Variants in RBL2 observed in about 807,000 individuals in gnomAD.
RBL2 encodes the protein RB transcriptional corepressor like 2, also known as retinoblastoma-like protein 2.
Under a neutral mutation model 126.0 loss-of-function variants are expected in RBL2, and 56 were observed. That is an observed-to-expected ratio of 0.44 (90% CI 0.36 to 0.56). The LOEUF is 0.56. RBL2 is among the 20% of genes least tolerant of loss of function. RBL2 has a pLI of 0.00. For missense variants in RBL2, 1,229 were observed against 1,398.2 expected (o/e 0.88, Z 1.93); for synonymous variants, 454 against 478.5 (o/e 0.95, Z 0.67).
At chr16:53,446,785 A>T (rs2058066257) in intron 3 of RBL2, among the ~76,000 whole-genome samples, 1 of 152,140 alleles carries the variant, frequency 6.6e-6, no homozygotes, top group Non-Finnish European at 1.5e-5. Context: ...TTTCCACCTC[A>T]CCTATCTTGC....
In RBL2 at chr16:53,450,485, C is replaced by T. The variant is rs566889616; in HGVS notation, c.638-1218C>T. ...ACAAGAATGTAAAATCACCATGAAG[C>T]ATACATGTGCAGTGTTTAACTAAAA... On this transcript the variant is annotated intron_variant, in intron 4 of 21. Coordinates refer to ENST00000262133, the MANE Select transcript of RBL2 (RefSeq NM_005611.4). 3.0e-4 allele frequency among the ~76,000 whole-genome samples: 45 copies of T among 152,224 alleles called. 1 individual carries two copies. The South Asian group carries it at 9.3e-3, about 32-fold the overall frequency.
intron 9 of RBL2, among the ~76,000 whole-genome samples, 186 bp downstream of exon 9, chr16:53,459,803 G>A (rs1407408446): frequency 6.6e-6 from 1 of 151,424 alleles, no homozygotes; most frequent in African/African-American, 2.4e-5. Flanking sequence ...TCTTTCCTTA[G>A]ATTTCTTTAA....
intron 20 of RBL2, 153 bp downstream of exon 20, chr16:53,480,922 G>C: frequency 1.5e-6 from 1 of 661,392 alleles, no homozygotes; most frequent in African/African-American, 1.8e-5. Flanking sequence ...ACTTTGGGAG[G>C]CCGAGGAGGG....
rs746994781 is a variant in RBL2, at chr16:53,481,722, C to A, written c.3136C>A (p.Arg1046Ser). 6 of 1,610,568 alleles carry A rather than the reference C, an allele frequency of 3.7e-6. No homozygotes were observed. Among genetic ancestry groups the A allele is most frequent in the Non-Finnish European group, 5.1e-6 (6 of 1,176,992 alleles). The change falls in exon 21 of 22, where the codon CGC (arginine) becomes AGC (serine). Residue 1046 changes from arginine to serine, a missense_variant. Arg to Ser is a moderately radical substitution (Grantham distance 110, BLOSUM62 -1). This residue lies in a region of RBL2 where 1,070 missense variants were observed against 1,274.3 expected (regional missense o/e 0.84). Transcript: ENST00000262133. The part of the protein sequence containing the change: ...PYPFVRTGSP[R>S]RIQLSQNHPV... ...TCCATTTGTAAGAACAGGCTCCCCT[C>A]GCCGAATACAGTTGTCTCAAAATCA...
intron 8 of RBL2, among the ~76,000 whole-genome samples, chr16:53,457,604 G>GTATGAATTGAGA (rs1309726087): frequency 8.5e-5 from 13 of 152,084 alleles, no homozygotes; most frequent in South Asian, 2.1e-4. Context: ...TTACTTAGAG[G>GTATGAATTGAGA]TATGAATTGA....
chr16:53,453,811 A>G (rs1348935188), intron 7 of RBL2, 42 bp downstream of exon 7: 4 of 1,458,236 alleles, frequency 2.7e-6, no homozygotes, highest in South Asian at 1.2e-5. Context: ...TTTAAATTGT[A>G]TACTTAGGAA....
chr16:53,469,890 C>T, intron 14 of RBL2, 26 bp from the exon 15 acceptor site: 1 of 1,513,110 alleles, frequency 6.6e-7, no homozygotes, highest in Non-Finnish European at 8.9e-7. Context: ...GAGTTAAATG[C>T]TTTGTTTGAT....
chr16:53,480,855 G>T, intron 20 of RBL2, 86 bp downstream of exon 20: 1 of 1,353,464 alleles, frequency 7.4e-7, no homozygotes, highest in Non-Finnish European at 1.0e-6. Flanking sequence ...CCATTCACCT[G>T]GTCCGTATAT....
At chr16:53,435,468 C>A in intron 1 of RBL2, 1 of 564,668 alleles carries the variant, frequency 1.8e-6, no homozygotes, top group Non-Finnish European at 2.2e-6. Context: ...TTGCACAGGA[C>A]TCCTGTTGTT....
intron 3 of RBL2, 67 bp downstream of exon 3, chr16:53,442,925 G>T: frequency 1.1e-5 from 13 of 1,193,498 alleles, no homozygotes; most frequent in South Asian, 7.5e-5. Context: ...TATTCTGCTA[G>T]GTTTTTTTTT....
intron 14 of RBL2, 48 bp downstream of exon 14, chr16:53,467,217 A>G: frequency 6.8e-7 from 1 of 1,466,548 alleles, no homozygotes; most frequent in Non-Finnish European, 9.5e-7. Context: ...CTATCTGGAA[A>G]TTTAAATTTC....
chr16:53,481,614 A>T (rs1960949194), intron 20 of RBL2, 57 bp from the exon 21 acceptor site: 1 of 1,388,544 alleles, frequency 7.2e-7, no homozygotes, highest in East Asian at 2.5e-5. Flanking sequence ...AATCATTTTC[A>T]GTAAAAATAA....
chr16:53,446,896 G>T (rs2058067440), intron 3 of RBL2, 146 bp from the exon 4 acceptor site: 4 of 431,020 alleles, frequency 9.3e-6, no homozygotes, highest in Admixed American at 8.6e-5. Context: ...TGTTAAGGCA[G>T]AACGTCCACG....
Position 53,480,623 on chromosome 16 carries a change from C to T in RBL2, c.2938C>T (p.Pro980Ser), listed in dbSNP as rs780888204. Residue 980 changes from proline to serine, a missense_variant, in exon 20 of 22, where the codon CCC becomes TCC. Coordinates refer to ENST00000262133, the MANE Select transcript of RBL2 (RefSeq NM_005611.4). ...RSSSTLPVPQ[P>S]SSAPPTPTRL... The stretch of plus-strand genomic sequence containing the variant: ...AAGCAGCACCTTGCCAGTTCCACAG[C>T]CCAGCAGTGCTCCTCCCACACCTAC... 2 of 1,614,050 alleles carry T rather than the reference C, an allele frequency of 1.2e-6. No homozygotes were observed. The highest frequency in any genetic ancestry group is 1.7e-4 in the Middle Eastern group (1 of 6,028).
chr16:53,453,471 T>G lies in RBL2; in HGVS notation c.786T>G (p.His262Gln). 4 of 1,612,938 alleles carry G rather than the reference T, an allele frequency of 2.5e-6. No individual in the cohort carries two copies. The highest frequency in any genetic ancestry group is 3.4e-6 in the Non-Finnish European group (4 of 1,179,176). ...CCATAGGCTTATCTGAAGATTTTCA[T>G]GCTAAAGATTCTAAACCTTCCTCTG... ...PNFKGLSEDFHAKDSKPSSDP... is the reference protein window; with the variant it reads ...PNFKGLSEDFQAKDSKPSSDP... The change falls in exon 6 of 22, where the codon CAT becomes CAG. Residue 262 changes from histidine (H) to glutamine (Q), a missense_variant. By Grantham distance (24) the His-to-Gln change is conservative (BLOSUM62 0). Transcript: ENST00000262133.
In RBL2 at chr16:53,490,424, G is replaced by T; in HGVS notation, c.*124G>T. 1 of 792,158 alleles carries T rather than the reference G, an allele frequency of 1.3e-6. No homozygotes were observed. The highest frequency in any genetic ancestry group is 1.8e-6 in the Non-Finnish European group (1 of 540,598). The allele number at this position is 792,158 out of a possible 1,614,324, so 49.1% of individuals were successfully genotyped here. A position where few individuals can be genotyped will look rare whatever the true frequency, so the allele number is the denominator to read the frequency against. On this transcript the variant is annotated 3_prime_UTR_variant, in exon 22 of 22. Coordinates refer to ENST00000262133, the MANE Select transcript of RBL2 (RefSeq NM_005611.4). Reference sequence around the variant, plus strand: ...TTACAGCCTGTTAGTAACATGAGGGGACATTTTGGTGAGAAATGGGACTTA... The same window carrying T: ...TTACAGCCTGTTAGTAACATGAGGGTACATTTTGGTGAGAAATGGGACTTA...
intron 3 of RBL2, among the ~76,000 whole-genome samples, chr16:53,444,285 C>T (rs1406226406): frequency 6.6e-6 from 1 of 150,416 alleles, no homozygotes; most frequent in East Asian, 2.0e-4. Context: ...GGTATTCTGG[C>T]TGAGTGCCTG....
At chr16:53,483,551 A>AG (rs1245976699) in intron 21 of RBL2, among the ~76,000 whole-genome samples, 3 of 149,528 alleles carry the variant, frequency 2.0e-5, no homozygotes, top group African/African-American at 7.4e-5. Flanking sequence ...TTGGAAAAAA[A>AG]AGTTGAGGAA....
chr16:53,458,633 G>A (rs2058190667), intron 8 of RBL2, among the ~76,000 whole-genome samples: 1 of 152,214 alleles, frequency 6.6e-6, no homozygotes, highest in South Asian at 2.1e-4. Context: ...TGCTGATAAA[G>A]ACATGCCCAA....
Sources: allele counts gnomAD v4.1 joint callset (sites outside exome capture counted in the v4.1 genomes callset), GRCh38; gene constraint gnomAD v4.1.1; regional missense constraint gnomAD v4.1.1; transcripts MANE v1.5; gene names NCBI Gene and HGNC (gene_info 2026-07-23, HGNC 2026-07-21).